The following SEMA3D variants were observed in gnomAD, a reference collection of about 807,000 sequenced individuals.
SEMA3D encodes semaphorin-3D.
Under a neutral mutation model 100.1 loss-of-function variants are expected in SEMA3D, and 84 were observed. The ratio of observed to expected loss-of-function variants is 0.84; its 90% CI spans 0.70 to 1.01. The LOEUF is 1.01. Ranked by LOEUF, SEMA3D falls within the 50% of genes least tolerant of loss-of-function variation. The probability of loss-of-function intolerance (pLI) is 0.00; values close to 1 mark genes in which losing one functional copy is unlikely to be tolerated. For missense variants in SEMA3D, 875 were observed against 934.1 expected (o/e 0.94, Z 0.82); for synonymous variants, 312 against 320.7 (o/e 0.97, Z 0.29).
the SEMA3D span, among the ~76,000 whole-genome samples, chr7:85,207,267 G>T: frequency 1.2e-3 from 178 of 152,104 alleles, no homozygotes; most frequent in African/African-American, 3.8e-3. Flanking sequence ...CCGTAAAAGA[G>T]GACAGGCTTT....
At chr7:85,131,637 A>G (rs1789726735) in intron 2 of SEMA3D, among the ~76,000 whole-genome samples, 2 of 152,096 alleles carry the variant, frequency 1.3e-5, no homozygotes, top group South Asian at 2.1e-4. Context: ...GGGGAAAACA[A>G]ATTTTAAAAA....
the SEMA3D span, among the ~76,000 whole-genome samples, chr7:85,219,309 A>G: frequency 6.6e-6 from 1 of 152,232 alleles, no homozygotes; most frequent in African/African-American, 2.4e-5. Context: ...CTAAAATATC[A>G]GAATTGGTTA....
At chr7:85,122,527 G>T (rs968311761) in intron 2 of SEMA3D, among the ~76,000 whole-genome samples, 1 of 152,076 alleles carries the variant, frequency 6.6e-6, no homozygotes, top group African/African-American at 2.4e-5. Context: ...GTCGAAACTT[G>T]AATTATTTGA....
At chr7:85,006,743 A>G in intron 18 of SEMA3D, 59 bp downstream of exon 18, 1 of 1,371,354 alleles carries the variant, frequency 7.3e-7, no homozygotes, top group Non-Finnish European at 9.8e-7. Context: ...AAAGTTGAAC[A>G]TCTCTCAATC....
intron 9 of SEMA3D, among the ~76,000 whole-genome samples, chr7:85,048,853 T>C (rs1380820344): frequency 1.3e-5 from 2 of 151,860 alleles, no homozygotes; most frequent in African/African-American, 2.4e-5. Flanking sequence ...CTGTGTAACA[T>C]AGAACATGTA....
chr7:85,150,718 T>A (rs1337207104), intron 2 of SEMA3D, among the ~76,000 whole-genome samples: 2 of 151,856 alleles, frequency 1.3e-5, no homozygotes, highest in African/African-American at 4.8e-5. Context: ...ATTATAGTCA[T>A]CGCAGCTTTT....
intron 2 of SEMA3D, chr7:85,144,622 C>T: frequency 2.0e-6 from 2 of 984,214 alleles, no homozygotes; most frequent in Non-Finnish European, 2.4e-6. Flanking sequence ...CACATATATA[C>T]ATTTTTTCCT....
At chr7:85,153,107 C>A (rs1462996305) in intron 2 of SEMA3D, among the ~76,000 whole-genome samples, 1 of 152,126 alleles carries the variant, frequency 6.6e-6, no homozygotes, top group East Asian at 1.9e-4. Flanking sequence ...AAATTTCCCA[C>A]AGTCCTCCCT....
At chr7:85,087,062 C>T (rs1384987116) in intron 4 of SEMA3D, among the ~76,000 whole-genome samples, 1 of 152,196 alleles carries the variant, frequency 6.6e-6, no homozygotes, top group Non-Finnish European at 1.5e-5. Context: ...TCTTCTTACA[C>T]TGTAGTGTGT....
chr7:85,013,941 C>T (rs1034909302), intron 16 of SEMA3D, among the ~76,000 whole-genome samples: 1 of 151,790 alleles, frequency 6.6e-6, no homozygotes, highest in Admixed American at 6.6e-5. Flanking sequence ...AAAGCATTCC[C>T]CAAAGACTAT....
rs746057192 is a variant in SEMA3D at position 85,020,253 on chromosome 7, C to G, written c.1483G>C (p.Glu495Gln). The change falls in exon 14 of 19, where the codon GAG becomes CAG. Residue 495 changes from glutamate (E) to glutamine (Q), a missense_variant. Transcript: ENST00000284136. Reference protein sequence around the residue: ...EKWNMEEVVLEELQIFKHSSI... With the variant: ...EKWNMEEVVLQELQIFKHSSI... ...CTTACCTTGAATATCTGCAACTCCT[C>G]CAGCACTACCTCTTCCATATTCCAC... 1 of 1,609,292 alleles carries G rather than the reference C, an allele frequency of 6.2e-7. No individual in the cohort carries two copies. Among genetic ancestry groups the G allele is most frequent in the South Asian group, 1.1e-5 (1 of 90,970 alleles).
chr7:85,028,522 A>G, intron 12 of SEMA3D: 1 of 330,600 alleles, frequency 3.0e-6, no homozygotes, highest in Admixed American at 4.7e-5. Flanking sequence ...ACTTAGGTGG[A>G]GAGGACTTTC....
chr7:85,138,728 T>C (rs1222678565), intron 2 of SEMA3D, among the ~76,000 whole-genome samples: 2 of 150,874 alleles, frequency 1.3e-5, no homozygotes, highest in African/African-American at 4.9e-5. Flanking sequence ...GTGGGTTACA[T>C]AGGTATACAC....
chr7:85,108,549 G>C (rs1562821426), intron 3 of SEMA3D, among the ~76,000 whole-genome samples: 1 of 151,988 alleles, frequency 6.6e-6, no homozygotes, highest in Non-Finnish European at 1.5e-5. Flanking sequence ...GTATGTCTGA[G>C]ATTCTGCATT....
rs1789543182 is a variant in SEMA3D at position 84,997,791 on chromosome 7, GAAGTGACTAATTTTT to G, written c.*1634_*1648del. On this transcript the variant is annotated 3_prime_UTR_variant, in exon 19 of 19. Transcript: ENST00000284136. ...TCTGAAAAGCTGCCTTCCATGTGAG[GAAGTGACTAATTTTT>G]CATTTCACACTATAAAGGGCGTGAA... 1 of 152,434 alleles carries G rather than the reference GAAGTGACTAATTTTT, an allele frequency of 6.6e-6. No homozygotes were observed. The highest frequency in any genetic ancestry group is 2.1e-4 in the South Asian group (1 of 4,830). The allele number at this position is 152,434 out of a possible 1,614,324, so 9.4% of individuals were successfully genotyped here.
the SEMA3D span, among the ~76,000 whole-genome samples, chr7:85,203,041 C>T: frequency 3.3e-5 from 5 of 152,174 alleles, no homozygotes; most frequent in East Asian, 1.9e-4. Context: ...GACAGAATTA[C>T]GTGCCTGCAA....
chr7:85,080,018 G>A (rs981636276), intron 5 of SEMA3D, among the ~76,000 whole-genome samples: 3 of 152,210 alleles, frequency 2.0e-5, no homozygotes, highest in Admixed American at 6.5e-5. Flanking sequence ...TCTAGTGACC[G>A]AAATGTAAAA....
upstream of SEMA3D, among the ~76,000 whole-genome samples, chr7:85,189,867 A>G (rs911791590): frequency 1.3e-5 from 2 of 152,182 alleles, no homozygotes; most frequent in Admixed American, 6.5e-5. Flanking sequence ...GAAATACACT[A>G]TTTCTCAAAG....
chr7:85,211,557 A>G, the SEMA3D span, among the ~76,000 whole-genome samples: 805 of 152,260 alleles, frequency 5.3e-3, 11 homozygotes, highest in African/African-American at 0.018. Flanking sequence ...CAAACTAACA[A>G]TAGAAAGACA....
Sources: gnomAD v4.1 joint callset for allele counts (sites outside exome capture counted in the v4.1 genomes callset) on GRCh38, gnomAD v4.1.1 for gene constraint, MANE v1.5 for transcripts, NCBI Gene and HGNC (gene_info 2026-07-23, HGNC 2026-07-21) for gene names.